ABCA12: variants seen among roughly 807,000 people sequenced by gnomAD.
ABCA12 encodes the protein ATP binding cassette subfamily A member 12.
ABCA12 carries 156 observed loss-of-function variants against 293.5 expected under a neutral mutation model. That is an observed-to-expected ratio of 0.53 (90% confidence interval 0.47 to 0.61). ABCA12 has a LOEUF of 0.61. ABCA12 is among the 20% of genes least tolerant of loss of function. ABCA12 has a pLI of 0.00. For missense variants in ABCA12, 2,797 were observed against 3,090.2 expected (o/e 0.91, Z 2.25); for synonymous variants, 1,063 against 1,108.0 (o/e 0.96, Z 0.81).
At chr2:215,127,246 G>C (rs994966616) in intron 1 of ABCA12, among the ~76,000 whole-genome samples, 1 of 152,234 alleles carries the variant, frequency 6.6e-6, no homozygotes, top group African/African-American at 2.4e-5. Flanking sequence ...TCCATGCACT[G>C]TTGAATAGAA....
intron 33 of ABCA12, among the ~76,000 whole-genome samples, chr2:214,976,546 A>G (rs1196553525): frequency 6.6e-6 from 1 of 152,206 alleles, no homozygotes; most frequent in Non-Finnish European, 1.5e-5. Flanking sequence ...TGATTCTAAC[A>G]TGAGGTCCAA....
intron 1 of ABCA12, among the ~76,000 whole-genome samples, chr2:215,125,239 T>C (rs1702897235): frequency 6.6e-6 from 1 of 152,208 alleles, no homozygotes; most frequent in Non-Finnish European, 1.5e-5. Flanking sequence ...GGTAGTGTGA[T>C]GCCTCCAGAT....
intron 3 of ABCA12, among the ~76,000 whole-genome samples, chr2:215,058,288 G>A (rs964948184): frequency 2.0e-5 from 3 of 151,908 alleles, no homozygotes; most frequent in Non-Finnish European, 4.4e-5. Flanking sequence ...TAGAGGCCAG[G>A]GGTGCTGCTG....
intron 15 of ABCA12, among the ~76,000 whole-genome samples, chr2:215,015,169 T>G (rs5838478): frequency 8.7e-6 from 1 of 115,102 alleles, no homozygotes; most frequent in South Asian, 2.5e-4. Flanking sequence ...GTTAAAAAAA[T>G]AATAATTGCA....
At chr2:215,056,199 A>G (rs753213962) in intron 3 of ABCA12, among the ~76,000 whole-genome samples, 16 of 152,104 alleles carry the variant, frequency 1.1e-4, no homozygotes, top group Non-Finnish European at 1.6e-4. Context: ...AAAAGAAAGA[A>G]GAGGCAATAG....
chr2:214,949,803 C>T (rs531868436), intron 45 of ABCA12, among the ~76,000 whole-genome samples: 1 of 152,178 alleles, frequency 6.6e-6, no homozygotes, highest in African/African-American at 2.4e-5. Context: ...AACAGGCTTC[C>T]TGACCAAAGT....
chr2:214,952,222 G>GT (rs34809500), intron 44 of ABCA12, among the ~76,000 whole-genome samples: 5 of 125,340 alleles, frequency 4.0e-5, no homozygotes, highest in Admixed American at 8.0e-5. Context: ...TTTTTTTGTT[G>GT]TTTTTTTTTT....
chr2:215,005,863 A>G (rs1700242943), intron 19 of ABCA12, among the ~76,000 whole-genome samples: 1 of 152,184 alleles, frequency 6.6e-6, no homozygotes, highest in Non-Finnish European at 1.5e-5. Context: ...CCAAAACACC[A>G]AATGCTTCCA....
In ABCA12 at chr2:214,990,960, T is replaced by A. The variant is rs1699898723; in HGVS notation, c.3366A>T (p.Leu1122Phe). The A allele has an allele frequency of 6.2e-7, 1 of 1,613,834 alleles. No homozygotes were observed. The highest frequency in any genetic ancestry group is 1.3e-5 in the African/African-American group (1 of 74,858). ...FAWLIESVGF[L>F]LVTIVILIII... is the part of the protein sequence containing the mutation. ...TGATGAGGATCACGATGGTAACCAG[T>A]AAAAATCCAACACTCTCTATAAGCC... is the stretch of plus-strand genomic sequence containing the variant. The change falls in exon 24 of 53, where the codon TTA becomes TTT. Residue 1122 changes from leucine to phenylalanine, a missense_variant. Physicochemically the swap from Leu to Phe is conservative, Grantham distance 22 (BLOSUM62 0). This residue lies in a region of ABCA12 where 2,130 missense variants were observed against 2,427.0 expected (regional missense o/e 0.88). Coordinates refer to ENST00000272895, the MANE Select transcript of ABCA12 (RefSeq NM_173076.3).
rs1396881301 is a variant in ABCA12 at position 215,007,710 on chromosome 2, A to T, written c.2592+17T>A. On this transcript the variant is annotated intron_variant, in intron 19 of 52. Coordinates refer to ENST00000272895, the MANE Select transcript of ABCA12 (RefSeq NM_173076.3). ...ATTCAAATTCCTACTAAGTTGAATG[A>T]CAGAAGCATCTCATACCTGGAGCAT... is the stretch of plus-strand genomic sequence containing the variant. The T allele has an allele frequency of 1.9e-6, 3 of 1,613,732 alleles. No homozygotes were observed. Among genetic ancestry groups the T allele is most frequent in the Non-Finnish European group, 2.5e-6 (3 of 1,179,832 alleles).
rs185052823 is a variant in ABCA12, at chr2:215,127,918, G to A, written c.69+10222C>T. Among the ~76,000 whole-genome samples the A allele has an allele frequency of 3.9e-5, 6 of 152,216 alleles. No homozygotes were observed. In the East Asian group the frequency reaches 1.2e-3, roughly 29 times the overall value. On this transcript the variant is annotated intron_variant, in intron 1 of 52. Transcript: ENST00000272895. ...CCTGTGTGATTTATTCTTTAAAGAG[G>A]TTCTGTTTTGATGTGTTTCCAGGAT...
intron 8 of ABCA12, among the ~76,000 whole-genome samples, chr2:215,034,312 C>G (rs910957460): frequency 6.6e-6 from 1 of 152,160 alleles, no homozygotes; most frequent in Non-Finnish European, 1.5e-5. Context: ...TCTATTTTCA[C>G]GGTTGCTAAG....
intron 24 of ABCA12, 103 bp downstream of exon 24, chr2:214,990,599 C>T: frequency 8.1e-7 from 1 of 1,238,790 alleles, no homozygotes; most frequent in Non-Finnish European, 1.2e-6. Flanking sequence ...CACTGAATTT[C>T]AAATTAAGAT....
chr2:214,970,430 T>C, intron 36 of ABCA12, 30 bp from the exon 37 acceptor site: 1 of 1,612,078 alleles, frequency 6.2e-7, no homozygotes, highest in Non-Finnish European at 8.5e-7. Flanking sequence ...ATGAATTTTT[T>C]TCTGGCCAAT....
intron 3 of ABCA12, among the ~76,000 whole-genome samples, chr2:215,059,122 G>A (rs1010476878): frequency 1.3e-5 from 2 of 152,024 alleles, no homozygotes; most frequent in Non-Finnish European, 2.9e-5. Context: ...CTAAGGGTTA[G>A]TTAAATTTGT....
intron 3 of ABCA12, among the ~76,000 whole-genome samples, chr2:215,060,578 T>C (rs1701509334): frequency 1.3e-5 from 2 of 152,192 alleles, no homozygotes; most frequent in Admixed American, 6.5e-5. Flanking sequence ...AACTCTTAAA[T>C]TCTTATTGCC....
intron 3 of ABCA12, among the ~76,000 whole-genome samples, chr2:215,059,959 C>A (rs1005195355): frequency 6.6e-6 from 1 of 151,932 alleles, no homozygotes; most frequent in Admixed American, 6.6e-5. Flanking sequence ...TTCTGGTAAC[C>A]ACCACCCTAT....
At chr2:215,001,105 C>A in intron 21 of ABCA12, 85 bp from the exon 22 acceptor site, 1 of 1,328,402 alleles carries the variant, frequency 7.5e-7, no homozygotes, top group Non-Finnish European at 1.1e-6. Flanking sequence ...GAGGGGACAG[C>A]CAAACAGTCA....
At chr2:215,031,996 A>G in intron 8 of ABCA12, 100 bp from the exon 9 acceptor site, 1 of 1,589,980 alleles carries the variant, frequency 6.3e-7, no homozygotes, top group Non-Finnish European at 8.5e-7. Context: ...TGAGGAGAAA[A>G]TGCAGAAATC....
Sources: allele counts gnomAD v4.1 joint callset (sites outside exome capture counted in the v4.1 genomes callset), GRCh38; gene constraint gnomAD v4.1.1; regional missense constraint gnomAD v4.1.1; transcripts MANE v1.5; gene names NCBI Gene and HGNC (gene_info 2026-07-23, HGNC 2026-07-21).